Variants in CLIC5 observed in about 807,000 individuals in gnomAD.
The protein encoded by CLIC5 is CLIC family member 5.
CLIC5 carries 20 observed loss-of-function variants against 24.7 expected under a neutral mutation model. That is an observed-to-expected ratio of 0.81 (90% CI 0.57 to 1.18). CLIC5 has a LOEUF of 1.18. CLIC5 is among the 50% of genes most tolerant of loss of function. The pLI, the probability that CLIC5 is intolerant of heterozygous loss-of-function variation, is 0.00. For synonymous variants in CLIC5, 159 were observed against 135.6 expected, an observed-to-expected ratio of 1.17 and a Z score of -1.20; for missense variants, 341 against 326.1, an observed-to-expected ratio of 1.05 and a Z score of -0.35.
At chr6:46,070,189 T>C (rs995723616) in intron 1 of CLIC5, among the ~76,000 whole-genome samples, 1 of 152,078 alleles carries the variant, frequency 6.6e-6, no homozygotes, top group Non-Finnish European at 1.5e-5. Flanking sequence ...CTCTCACCAC[T>C]CCTATTCAAC....
intron 3 of CLIC5, among the ~76,000 whole-genome samples, chr6:45,945,724 TC>T (rs1328937332): frequency 6.6e-6 from 1 of 152,134 alleles, no homozygotes; most frequent in Non-Finnish European, 1.5e-5. Context: ...TACCATGCCA[TC>T]CTGTGGGAGG....
At chr6:45,926,431 T>C (rs1375006972) in intron 4 of CLIC5, among the ~76,000 whole-genome samples, 18 of 150,238 alleles carry the variant, frequency 1.2e-4, no homozygotes, top group Admixed American at 1.2e-3. Flanking sequence ...TTTTTTTTTG[T>C]ATTTTTAGTA....
the CLIC5 span, among the ~76,000 whole-genome samples, chr6:46,094,015 G>A: frequency 5.3e-5 from 8 of 152,198 alleles, no homozygotes; most frequent in Admixed American, 2.0e-4. Context: ...AGAAGGCAAC[G>A]CAGGAGCAGG....
intron 1 of CLIC5, among the ~76,000 whole-genome samples, chr6:45,976,472 T>C (rs757559449): frequency 5.3e-5 from 8 of 152,168 alleles, no homozygotes; most frequent in Non-Finnish European, 8.8e-5. Context: ...GGTCACTCTA[T>C]GTACATGCAT....
chr6:45,953,078 A>G (rs1378294856), intron 2 of CLIC5, among the ~76,000 whole-genome samples: 2 of 152,140 alleles, frequency 1.3e-5, no homozygotes, highest in African/African-American at 2.4e-5. Flanking sequence ...TTCATAACTG[A>G]GGTATTATGA....
At chr6:46,080,173 G>T (rs1299654748) in exon 1 of CLIC5, 1 of 1,551,582 alleles carries the variant, frequency 6.4e-7, no homozygotes, top group Non-Finnish European at 8.7e-7. Flanking sequence ...TCTTCTGGCT[G>T]GTCTGGAACC....
intron 4 of CLIC5, chr6:45,920,336 A>G (rs3729618): frequency 0.3 from 279,637 of 943,144 alleles, 43,737 homozygotes; most frequent in East Asian, 0.47. Flanking sequence ...ACATCTGGTC[A>G]AAAAGTGAGA....
At chr6:45,922,892 C>T (rs1431521308) in intron 4 of CLIC5, among the ~76,000 whole-genome samples, 1 of 150,328 alleles carries the variant, frequency 6.7e-6, no homozygotes. Flanking sequence ...GCAGAGCTAG[C>T]GAGCTCAGGA....
At chr6:46,101,257 G>A in the CLIC5 span, among the ~76,000 whole-genome samples, 1 of 152,074 alleles carries the variant, frequency 6.6e-6, no homozygotes, top group Non-Finnish European at 1.5e-5. Flanking sequence ...TGTTCAAAGG[G>A]GTATAAAATA....
chr6:45,957,752 T>C (rs1380339993), intron 1 of CLIC5, among the ~76,000 whole-genome samples: 1 of 152,236 alleles, frequency 6.6e-6, no homozygotes, highest in Middle Eastern at 3.2e-3. Context: ...TGGGTGTCCC[T>C]CTTTCAGCTT....
chr6:46,028,279 C>T (rs1480148331), intron 1 of CLIC5, among the ~76,000 whole-genome samples: 4 of 152,186 alleles, frequency 2.6e-5, no homozygotes, highest in African/African-American at 9.7e-5. Context: ...TCCTTTCCAG[C>T]TGGTCATAGA....
chr6:46,076,410 T>A (rs1462405720), intron 1 of CLIC5, among the ~76,000 whole-genome samples: 1 of 152,234 alleles, frequency 6.6e-6, no homozygotes, highest in Non-Finnish European at 1.5e-5. Context: ...TATCCCGGAT[T>A]ATCCTTGTGG....
intron 5 of CLIC5, among the ~76,000 whole-genome samples, chr6:45,904,191 C>T (rs980322979): frequency 1.3e-5 from 2 of 152,158 alleles, no homozygotes; most frequent in Non-Finnish European, 2.9e-5. Context: ...TTCTTTATCT[C>T]TAAAATGGAT....
At chr6:45,983,780 T>C (rs1369034216) in intron 1 of CLIC5, among the ~76,000 whole-genome samples, 1 of 152,246 alleles carries the variant, frequency 6.6e-6, no homozygotes. Flanking sequence ...GCCTGAAATA[T>C]AATGCCTTTC....
At chr6:45,947,464 C>T (rs1764325736) in intron 3 of CLIC5, among the ~76,000 whole-genome samples, 2 of 151,158 alleles carry the variant, frequency 1.3e-5, no homozygotes, top group South Asian at 4.2e-4. Context: ...TAGGATTGTA[C>T]CCCAGCCCCT....
At chr6:45,889,186 G>A (rs1432589741) in intron 6 of CLIC5, among the ~76,000 whole-genome samples, 1 of 151,476 alleles carries the variant, frequency 6.6e-6, no homozygotes, top group Non-Finnish European at 1.5e-5. Flanking sequence ...CAAGGTGAAG[G>A]TGCTAGCAGA....
At chr6:46,032,012 T>C (rs1217238525) in intron 1 of CLIC5, among the ~76,000 whole-genome samples, 2 of 151,588 alleles carry the variant, frequency 1.3e-5, no homozygotes, top group Admixed American at 1.3e-4. Flanking sequence ...AGATACTAAA[T>C]TGTAAATAGT....
intron 1 of CLIC5, among the ~76,000 whole-genome samples, chr6:45,968,014 G>A (rs1765074632): frequency 6.6e-6 from 1 of 152,118 alleles, no homozygotes; most frequent in Admixed American, 6.5e-5. Flanking sequence ...GGGTGTGCAG[G>A]GAATTCCAAG....
At chr6:46,073,038 C>G (rs1237446345) in intron 1 of CLIC5, among the ~76,000 whole-genome samples, 1 of 152,160 alleles carries the variant, frequency 6.6e-6, no homozygotes, top group Non-Finnish European at 1.5e-5. Flanking sequence ...TTGCAGGCAG[C>G]CTTAGGAAGG....
Sources: gnomAD v4.1 joint callset for allele counts (sites outside exome capture counted in the v4.1 genomes callset) on GRCh38, gnomAD v4.1.1 for gene constraint, MANE v1.5 for transcripts, NCBI Gene and HGNC (gene_info 2026-07-23, HGNC 2026-07-21) for gene names.